The following PAPSS2 variants were observed in gnomAD, a reference collection of about 807,000 sequenced individuals.
The protein encoded by PAPSS2 is 3'-phosphoadenosine 5'-phosphosulfate synthase 2, also known as bifunctional 3'-phosphoadenosine 5'-phosphosulfate synthase 2.
A neutral mutation model predicts 66.5 loss-of-function variants in PAPSS2; 61 were observed. The ratio of observed to expected loss-of-function variants is 0.92; its 90% confidence interval spans 0.75 to 1.14. The LOEUF is 1.14. Ranked by LOEUF, PAPSS2 falls within the 50% of genes most tolerant of loss-of-function variation. The pLI is 0.00. For synonymous variants in PAPSS2, 289 were observed against 287.5 expected, an observed-to-expected ratio of 1.01 and a Z score of -0.05; for missense variants, 708 against 789.6, an observed-to-expected ratio of 0.90 and a Z score of 1.24.
chr10:87,707,278 A>C (rs757297424), intron 1 of PAPSS2, among the ~76,000 whole-genome samples: 13 of 152,208 alleles, frequency 8.5e-5, no homozygotes, highest in Non-Finnish European at 1.5e-4. Flanking sequence ...AGCAGCTATT[A>C]ATTGGGCTTT....
In PAPSS2 at chr10:87,746,084, T is replaced by C; in HGVS notation, c.*114T>C. 1.0e-6 allele frequency: 1 copy of C among 990,644 alleles called. No individual in the cohort carries two copies. Among genetic ancestry groups the C allele is most frequent in the Non-Finnish European group, 1.5e-6 (1 of 653,364 alleles). The allele number at this position is 990,644 out of a possible 1,614,324, so 61.4% of individuals were successfully genotyped here. A position where few individuals can be genotyped will look rare whatever the true frequency, so the allele number is the denominator to read the frequency against. On this transcript the variant is annotated 3_prime_UTR_variant, in exon 13 of 13. Transcript: ENST00000456849. ...AATGATGCATTTTAATCTTTTATAA[T>C]GAAGTAAAAGTTGTGTCTATAATTA... is the stretch of plus-strand genomic sequence containing the variant.
intron 1 of PAPSS2, among the ~76,000 whole-genome samples, chr10:87,692,313 T>C (rs879771746): frequency 9.9e-5 from 15 of 152,124 alleles, no homozygotes; most frequent in Non-Finnish European, 1.9e-4. Flanking sequence ...TATCTGAAGA[T>C]AGAGATTTGG....
intron 1 of PAPSS2, among the ~76,000 whole-genome samples, chr10:87,681,416 T>A (rs141552921): frequency 0.015 from 2,307 of 152,314 alleles, 32 homozygotes; most frequent in Non-Finnish European, 0.021. Flanking sequence ...ATAGCCTTGG[T>A]CATAGACAAA....
At chr10:87,728,547 C>G (rs943526091) in intron 9 of PAPSS2, among the ~76,000 whole-genome samples, 3 of 152,294 alleles carry the variant, frequency 2.0e-5, no homozygotes, top group African/African-American at 7.2e-5. Flanking sequence ...CGAGAACAGC[C>G]TGGCCAACAT....
intron 8 of PAPSS2, among the ~76,000 whole-genome samples, chr10:87,725,848 A>C (rs912629875): frequency 1.3e-5 from 2 of 150,660 alleles, no homozygotes; most frequent in Non-Finnish European, 3.0e-5. Context: ...AGTGCATGCC[A>C]ACATGTCCAG....
intron 2 of PAPSS2, among the ~76,000 whole-genome samples, chr10:87,709,641 C>G (rs553121744): frequency 8.5e-5 from 13 of 152,306 alleles, no homozygotes; most frequent in Non-Finnish European, 1.3e-4. Context: ...ATGTTCATCC[C>G]TAAACATATT....
intron 1 of PAPSS2, among the ~76,000 whole-genome samples, chr10:87,678,843 A>T (rs1589421287): frequency 6.6e-6 from 1 of 152,370 alleles, no homozygotes; most frequent in Admixed American, 6.5e-5. Flanking sequence ...AATGTAAATT[A>T]GTAAAGCCAC....
chr10:87,731,492 G>A (rs1348722472), intron 9 of PAPSS2, among the ~76,000 whole-genome samples: 6 of 152,184 alleles, frequency 3.9e-5, no homozygotes, highest in Non-Finnish European at 2.9e-5. Context: ...TATTGTTTAA[G>A]AAATACATTT....
chr10:87,732,297 C>T (rs750649246), intron 9 of PAPSS2, among the ~76,000 whole-genome samples: 6 of 152,112 alleles, frequency 3.9e-5, no homozygotes, highest in Admixed American at 2.6e-4. Context: ...TTTGGGAGGC[C>T]GATTGTTTCA....
intron 1 of PAPSS2, among the ~76,000 whole-genome samples, chr10:87,690,213 G>C (rs1853155310): frequency 2.0e-5 from 3 of 152,136 alleles, no homozygotes; most frequent in Admixed American, 2.0e-4. Context: ...AAAAGAGCTA[G>C]TTAAATATAT....
chr10:87,666,744 C>T (rs1852820131), intron 1 of PAPSS2, among the ~76,000 whole-genome samples: 2 of 152,084 alleles, frequency 1.3e-5, no homozygotes, highest in South Asian at 2.1e-4. Flanking sequence ...ACTCTGAGGT[C>T]GTGGGGTATG....
At chr10:87,695,071 G>A (rs1445039132) in intron 1 of PAPSS2, among the ~76,000 whole-genome samples, 2 of 152,226 alleles carry the variant, frequency 1.3e-5, no homozygotes, top group African/African-American at 4.8e-5. Context: ...AGGGTCTAAG[G>A]AGTGAAATGC....
At chr10:87,676,268 C>CT (rs1333122451) in intron 1 of PAPSS2, among the ~76,000 whole-genome samples, 1 of 152,118 alleles carries the variant, frequency 6.6e-6, no homozygotes, top group Non-Finnish European at 1.5e-5. Flanking sequence ...AAGAAAGTAG[C>CT]TTGTAATTCT....
In PAPSS2 at chr10:87,713,079, C is replaced by G. The variant is rs776434633; in HGVS notation, c.150C>G (p.Leu50=). 8.7e-6 allele frequency: 14 copies of G among 1,601,128 alleles called. No homozygotes were observed. The African/African-American group carries it at 1.1e-4, about 12-fold the overall frequency. Residue 50 remains leucine, a synonymous_variant, in exon 3 of 13, where the codon CTC becomes CTG. Transcript: ENST00000456849. ...FRGCTVWLTG[L]SGAGKTTISF... ...TGTTTTATCTGTTCTGAACAGGTCT[C>G]TCTGGTGCTGGAAAAACAACGATAA...
intron 7 of PAPSS2, among the ~76,000 whole-genome samples, chr10:87,720,371 C>T (rs1853579550): frequency 6.6e-6 from 1 of 152,114 alleles, no homozygotes; most frequent in East Asian, 1.9e-4. Flanking sequence ...AACAGAGGCT[C>T]CTGACAGTGC....
chr10:87,706,235 G>A (rs1027300961), intron 1 of PAPSS2, among the ~76,000 whole-genome samples: 3 of 149,178 alleles, frequency 2.0e-5, no homozygotes, highest in Non-Finnish European at 4.4e-5. Flanking sequence ...ATTCTTCTTT[G>A]TTTGGTACTA....
chr10:87,674,143 A>G (rs1852915103), intron 1 of PAPSS2, among the ~76,000 whole-genome samples: 1 of 152,128 alleles, frequency 6.6e-6, no homozygotes, highest in South Asian at 2.1e-4. Context: ...AGAAGTCAGG[A>G]AGGTTGTGAA....
At chr10:87,686,155 T>C (rs1345536668) in intron 1 of PAPSS2, among the ~76,000 whole-genome samples, 3 of 151,518 alleles carry the variant, frequency 2.0e-5, no homozygotes, top group Non-Finnish European at 2.9e-5. Context: ...TTTTTTTTTT[T>C]CAGTAACAAA....
intron 1 of PAPSS2, among the ~76,000 whole-genome samples, chr10:87,694,608 A>G (rs926538706): frequency 2.0e-5 from 3 of 152,194 alleles, no homozygotes; most frequent in Non-Finnish European, 2.9e-5. Flanking sequence ...GCTGCTGAGA[A>G]CAAAAGTTCT....
Sources: allele counts gnomAD v4.1 joint callset (sites outside exome capture counted in the v4.1 genomes callset), GRCh38; gene constraint gnomAD v4.1.1; transcripts MANE v1.5; gene names NCBI Gene and HGNC (gene_info 2026-07-23, HGNC 2026-07-21).